Variants in CLASP2 observed in about 807,000 individuals in gnomAD.
CLASP2 encodes the protein CLIP-associating protein 2.
CLASP2 carries 47 observed loss-of-function variants against 194.4 expected under a neutral mutation model. The observed-to-expected ratio is 0.24, with a 90% CI of 0.19 to 0.31. CLASP2 has a LOEUF of 0.31. CLASP2 is among the 10% of genes least tolerant of loss of function. The pLI is 1.00. For missense variants in CLASP2, 1,445 were observed against 1,823.6 expected, an observed-to-expected ratio of 0.79 and a Z score of 3.78; for synonymous variants, 619 against 633.5, an observed-to-expected ratio of 0.98 and a Z score of 0.34.
intron 9 of CLASP2, among the ~76,000 whole-genome samples, chr3:33,628,272 G>A (rs771971644): frequency 3.3e-5 from 5 of 152,114 alleles, no homozygotes; most frequent in Admixed American, 3.3e-4. Flanking sequence ...AGAAACTTCT[G>A]AGCTAGCTCT....
chr3:33,550,336 A>C (rs779615023), intron 30 of CLASP2, among the ~76,000 whole-genome samples: 17 of 144,790 alleles, frequency 1.2e-4, no homozygotes, highest in South Asian at 4.5e-4. Flanking sequence ...TGGAGGTTGC[A>C]GTGAGCCAGT....
intron 25 of CLASP2, among the ~76,000 whole-genome samples, chr3:33,571,997 G>A (rs2063876783): frequency 6.6e-6 from 1 of 152,160 alleles, no homozygotes; most frequent in Non-Finnish European, 1.5e-5. Context: ...AGTGTGACAG[G>A]AGAAATTTTA....
In CLASP2 at chr3:33,573,100, C is replaced by A. The variant is rs371088009; in HGVS notation, c.2699+10G>T. 1 of 1,612,720 alleles carries A rather than the reference C, an allele frequency of 6.2e-7. No homozygotes were observed. The highest frequency in any genetic ancestry group is 8.5e-7 in the Non-Finnish European group (1 of 1,179,270). On this transcript the variant is annotated intron_variant, in intron 25 of 38. Transcript: ENST00000682230. ...TGATAGTAAAATCATTTTAAGACAACGCATCTCACCTTAGTGTTCTCTGAT... is the reference window on the plus strand; with the variant it reads ...TGATAGTAAAATCATTTTAAGACAAAGCATCTCACCTTAGTGTTCTCTGAT...
chr3:33,552,546 A>G (rs925922299), intron 29 of CLASP2, among the ~76,000 whole-genome samples: 1 of 152,164 alleles, frequency 6.6e-6, no homozygotes, highest in Non-Finnish European at 1.5e-5. Flanking sequence ...TGGTGAGAAC[A>G]CTTAAAATCT....
rs1356129070 is a variant in CLASP2 at position 33,619,624 on chromosome 3, T to C, written c.1296A>G (p.Ala432=). The change falls in exon 12 of 39, where the codon GCA becomes GCG. Residue 432 remains alanine, a synonymous_variant. Coordinates refer to ENST00000682230, the MANE Select transcript of CLASP2 (RefSeq NM_001365631.1). Reference sequence around the variant, plus strand: ...CTACCCGAATGATAAATCTGATTGCTGCACATCCAGAAGTTGCCATGACTT... The same window carrying C: ...CTACCCGAATGATAAATCTGATTGCCGCACATCCAGAAGTTGCCATGACTT... The part of the protein sequence containing the change: ...SAKVMATSGC[A]AIRFIIRHTH... 3.2e-6 allele frequency: 5 copies of C among 1,551,052 alleles called. No homozygotes were observed. The highest frequency in any genetic ancestry group is 2.7e-5 in the African/African-American group (2 of 73,014).
rs1481197998 is a variant in CLASP2, at chr3:33,608,593, T to C, written c.1422A>G (p.Gln474=). ...TTTCCAATGAATGAGTCTGCCACTC[T>C]TGCAACAATAAATCTAAAAATTCAA... ...RSFEFLDLLL[Q]EWQTHSLERH... is the part of the protein sequence containing the mutation. Residue 474 remains glutamine (Q), a synonymous_variant, in exon 14 of 39, where the codon CAA becomes CAG. Coordinates refer to ENST00000682230, the MANE Select transcript of CLASP2 (RefSeq NM_001365631.1). 1.3e-5 allele frequency: 21 copies of C among 1,611,422 alleles called. No individual in the cohort carries two copies. Among genetic ancestry groups the C allele is most frequent in the Non-Finnish European group, 1.8e-5 (21 of 1,178,940 alleles).
At chr3:33,536,681 G>C (rs746175867) in intron 33 of CLASP2, among the ~76,000 whole-genome samples, 1 of 152,180 alleles carries the variant, frequency 6.6e-6, no homozygotes, top group Non-Finnish European at 1.5e-5. Context: ...AGGAGGTCAA[G>C]GGCATAATCA....
At chr3:33,540,053 C>G (rs1045964949) in intron 32 of CLASP2, among the ~76,000 whole-genome samples, 2 of 151,518 alleles carry the variant, frequency 1.3e-5, no homozygotes, top group Non-Finnish European at 2.9e-5. Flanking sequence ...CTCAGCCTCC[C>G]GAGTAGCTGG....
chr3:33,622,035 T>C, intron 11 of CLASP2, 100 bp downstream of exon 11: 1 of 910,870 alleles, frequency 1.1e-6, no homozygotes, highest in Non-Finnish European at 1.5e-6. Context: ...GATCATATAC[T>C]TTTTTAGCTA....
intron 34 of CLASP2, among the ~76,000 whole-genome samples, chr3:33,531,578 C>G (rs923476212): frequency 6.6e-6 from 1 of 152,130 alleles, no homozygotes; most frequent in African/African-American, 2.4e-5. Flanking sequence ...GAGTTCGAGA[C>G]CAGCCTGACC....
rs142070927 is a variant in CLASP2, at chr3:33,527,329, C to T, written c.3787+7904G>A. 3.0e-3 allele frequency among the ~76,000 whole-genome samples: 458 copies of T among 152,232 alleles called. 1 individual carries two copies. The highest frequency in any genetic ancestry group is 4.5e-3 in the Non-Finnish European group (308 of 68,014). ...AAATAAAAACCATCAGAAACTACTACGAACACCTCTATGCATATAAACTAG... is the reference window on the plus strand; with the variant it reads ...AAATAAAAACCATCAGAAACTACTATGAACACCTCTATGCATATAAACTAG... On this transcript the variant is annotated intron_variant, in intron 34 of 38. Transcript: ENST00000682230.
chr3:33,543,472 G>A lies in CLASP2; in HGVS notation c.3365C>T (p.Thr1122Ile). The change falls in exon 32 of 39, where the codon ACT becomes ATT. Residue 1122 changes from threonine (T) to isoleucine (I), a missense_variant. By Grantham distance (89) the Thr-to-Ile change is moderately conservative. This residue lies in a region of CLASP2 where 732 missense variants were observed against 987.9 expected (regional missense o/e 0.74). Coordinates refer to ENST00000682230, the MANE Select transcript of CLASP2 (RefSeq NM_001365631.1). ...ATTCTGTGATGTATTGGTAGGAGAAGTAAGAGGACTGGACCAGTTAGCTGG... is the reference window on the plus strand; with the variant it reads ...ATTCTGTGATGTATTGGTAGGAGAAATAAGAGGACTGGACCAGTTAGCTGG... The part of the protein sequence containing the change: ...RSPANWSSPL[T>I]SPTNTSQNTL... 1.2e-6 allele frequency: 2 copies of A among 1,612,470 alleles called. No homozygotes were observed. The highest frequency in any genetic ancestry group is 1.7e-6 in the Non-Finnish European group (2 of 1,178,472).
intron 36 of CLASP2, among the ~76,000 whole-genome samples, chr3:33,515,605 C>T (rs1409808852): frequency 6.6e-6 from 1 of 152,092 alleles, no homozygotes; most frequent in African/African-American, 2.4e-5. Flanking sequence ...GCTGTGATCA[C>T]ACCACTGCAC....
At chr3:33,530,266 G>T (rs372577873) in intron 34 of CLASP2, among the ~76,000 whole-genome samples, 1 of 152,164 alleles carries the variant, frequency 6.6e-6, no homozygotes, top group South Asian at 2.1e-4. Flanking sequence ...CTTGAGCCCA[G>T]GAGTTTTAGA....
At chr3:33,581,985 A>G in intron 22 of CLASP2, 57 bp from the exon 23 acceptor site, 11 of 1,247,052 alleles carry the variant, frequency 8.8e-6, no homozygotes, top group South Asian at 1.3e-5. Flanking sequence ...CAGAGTTTGC[A>G]TTTTAAAAAA....
At chr3:33,642,395 G>A (rs1428991622) in intron 8 of CLASP2, among the ~76,000 whole-genome samples, 4 of 151,796 alleles carry the variant, frequency 2.6e-5, no homozygotes, top group African/African-American at 9.7e-5. Context: ...ACTACACAAT[G>A]AATAGTGCCA....
chr3:33,695,154 G>A (rs2091745170), intron 2 of CLASP2, among the ~76,000 whole-genome samples: 1 of 150,032 alleles, frequency 6.7e-6, no homozygotes, highest in Non-Finnish European at 1.5e-5. Flanking sequence ...TGAAATCCTG[G>A]GCCCAACCTC....
At chr3:33,531,568 G>A (rs2056306944) in intron 34 of CLASP2, among the ~76,000 whole-genome samples, 1 of 152,210 alleles carries the variant, frequency 6.6e-6, no homozygotes, top group Non-Finnish European at 1.5e-5. Flanking sequence ...CTGAGGTCAG[G>A]AGTTCGAGAC....
chr3:33,648,763 T>C (rs1250769512), intron 7 of CLASP2, among the ~76,000 whole-genome samples: 1 of 152,216 alleles, frequency 6.6e-6, no homozygotes, highest in East Asian at 1.9e-4. Flanking sequence ...TATCACTTAC[T>C]GAAATAATAG....
Sources: gnomAD v4.1 joint callset for allele counts (sites outside exome capture counted in the v4.1 genomes callset) on GRCh38, gnomAD v4.1.1 for gene constraint, gnomAD v4.1.1 regional missense constraint, MANE v1.5 for transcripts, NCBI Gene and HGNC (gene_info 2026-07-23, HGNC 2026-07-21) for gene names.